The following MARCHF1 variants were observed in gnomAD, a reference collection of about 807,000 sequenced individuals.
MARCHF1 encodes the protein E3 ubiquitin-protein ligase MARCHF1.
A neutral mutation model predicts 54.2 loss-of-function variants in MARCHF1; 40 were observed. That is an observed-to-expected ratio of 0.74 (90% CI 0.57 to 0.96). The LOEUF is 0.96. Among genes scored for constraint, MARCHF1 ranks in the 40% least tolerant of loss-of-function variants. MARCHF1 has a pLI of 0.00. For missense variants in MARCHF1, 586 were observed against 656.5 expected (o/e 0.89, Z 1.17); for synonymous variants, 236 against 236.3 (o/e 1.00, Z 0.01).
At chr4:164,357,080 A>C (rs1730575102) in intron 1 of MARCHF1, among the ~76,000 whole-genome samples, 1 of 151,656 alleles carries the variant, frequency 6.6e-6, no homozygotes, top group South Asian at 2.1e-4. Context: ...CTATATAACA[A>C]ATCTGCATAT....
At chr4:163,741,599 T>A (rs1029139745) in intron 4 of MARCHF1, among the ~76,000 whole-genome samples, 8 of 145,872 alleles carry the variant, frequency 5.5e-5, no homozygotes, top group East Asian at 3.9e-4. Flanking sequence ...AAAAAAAAAA[T>A]TTGGAAACCT....
chr4:164,302,110 T>C (rs1232445956), intron 1 of MARCHF1, among the ~76,000 whole-genome samples: 7 of 152,200 alleles, frequency 4.6e-5, no homozygotes, highest in Non-Finnish European at 1.0e-4. Context: ...ATGGCTCTTT[T>C]GGAAAGTAGT....
intron 4 of MARCHF1, among the ~76,000 whole-genome samples, chr4:163,736,258 C>G (rs1483366541): frequency 6.6e-6 from 1 of 151,958 alleles, no homozygotes; most frequent in Non-Finnish European, 1.5e-5. Context: ...ATAGGGGTTA[C>G]TTGAACACAA....
At chr4:164,159,807 T>C (rs1246626785) in intron 1 of MARCHF1, among the ~76,000 whole-genome samples, 1 of 152,166 alleles carries the variant, frequency 6.6e-6, no homozygotes, top group Non-Finnish European at 1.5e-5. Context: ...GAATTTAGAC[T>C]CAGCATTGGA....
Position 164,041,041 on chromosome 4 carries a change from A to G in MARCHF1, c.-247-52332T>C, listed in dbSNP as rs1409613376. On this transcript the variant is annotated intron_variant, in intron 2 of 9. Coordinates refer to ENST00000514618, the MANE Select transcript of MARCHF1 (RefSeq NM_001394959.1). ...GGATAATACACTCAATTTAAACCTT[A>G]TATGTAATTATAAAGACAGTTTTAA... Among the ~76,000 whole-genome samples the G allele has an allele frequency of 3.3e-5, 5 of 152,118 alleles. No homozygotes were observed. In the South Asian group the frequency reaches 8.3e-4, roughly 25 times the overall value.
chr4:163,967,273 G>A (rs2110828219), intron 3 of MARCHF1, among the ~76,000 whole-genome samples: 1 of 152,266 alleles, frequency 6.6e-6, no homozygotes, highest in East Asian at 1.9e-4. Context: ...TGTTGACAGA[G>A]GTAAGGTCGC....
intron 1 of MARCHF1, among the ~76,000 whole-genome samples, chr4:164,308,460 A>T (rs1734755405): frequency 6.6e-6 from 1 of 151,878 alleles, no homozygotes; most frequent in Non-Finnish European, 1.5e-5. Context: ...TGTAAGCAAG[A>T]TCATTTTCCT....
At chr4:164,287,572 A>G (rs1310187105) in intron 1 of MARCHF1, among the ~76,000 whole-genome samples, 1 of 152,150 alleles carries the variant, frequency 6.6e-6, no homozygotes, top group African/African-American at 2.4e-5. Flanking sequence ...GTGCAACCCT[A>G]GTAGGATTTA....
rs1326478001 is a variant in MARCHF1 at position 163,612,466 on chromosome 4, T to C, written c.815A>G (p.Asp272Gly). ...EKSKGRYHHR[D>G]PQLLQSLRKN... ...CCTAAGACTTTGCAAGAGCTGAGGA[T>C]CTCTGTGGTGATATCTGCCTTTGCT... The change falls in exon 7 of 10, where the codon GAT becomes GGT. Residue 272 changes from aspartate to glycine, a missense_variant. By Grantham distance (94) the Asp-to-Gly change is moderately conservative (BLOSUM62 -1). Coordinates refer to ENST00000514618, the MANE Select transcript of MARCHF1 (RefSeq NM_001394959.1). The C allele has an allele frequency of 1.3e-6, 2 of 1,535,206 alleles. No individual in the cohort carries two copies. Among genetic ancestry groups the C allele is most frequent in the African/African-American group, 2.7e-5 (2 of 72,960 alleles).
intron 5 of MARCHF1, among the ~76,000 whole-genome samples, chr4:163,622,296 G>A (rs979463348): frequency 1.3e-5 from 2 of 152,044 alleles, no homozygotes; most frequent in African/African-American, 4.8e-5. Context: ...CAGGAGCACT[G>A]TAGCAACAGG....
chr4:163,887,061 T>C (rs1750553971), intron 3 of MARCHF1, among the ~76,000 whole-genome samples: 1 of 152,108 alleles, frequency 6.6e-6, no homozygotes, highest in African/African-American at 2.4e-5. Context: ...TCAACATATA[T>C]TTATTGAATG....
intron 8 of MARCHF1, among the ~76,000 whole-genome samples, chr4:163,557,761 T>C (rs1158557280): frequency 1.3e-5 from 2 of 152,200 alleles, no homozygotes; most frequent in Non-Finnish European, 2.9e-5. Flanking sequence ...TGATTATTAT[T>C]TATAAATCTT....
chr4:163,646,135 G>A (rs1342851303), intron 5 of MARCHF1, among the ~76,000 whole-genome samples: 3 of 152,074 alleles, frequency 2.0e-5, no homozygotes, highest in Admixed American at 6.5e-5. Flanking sequence ...AGAGATAAGA[G>A]ACTGGTCACA....
At position 163,986,299 on chromosome 4, in the gene MARCHF1, C is replaced by T. The variant is rs1318114740; in HGVS notation, c.-39+2202G>A. ...TTTTTTTGAGATGGAGTGTCTCGCT[C>T]TGTCGCCCAGGCTGGAGTGCAGTGG... On this transcript the variant is annotated intron_variant, in intron 3 of 9. Coordinates refer to ENST00000514618, the MANE Select transcript of MARCHF1 (RefSeq NM_001394959.1). Among the ~76,000 whole-genome samples, 2 of 64,242 alleles carry T rather than the reference C, an allele frequency of 3.1e-5. 1 individual carries two copies. The highest frequency in any genetic ancestry group is 6.8e-5 in the Non-Finnish European group (2 of 29,616). The allele number at this position is 64,242 out of a possible 152,430, so 42.1% of individuals were successfully genotyped here.
At chr4:163,601,504 T>C (rs1740964103) in intron 7 of MARCHF1, among the ~76,000 whole-genome samples, 2 of 152,042 alleles carry the variant, frequency 1.3e-5, no homozygotes, top group African/African-American at 4.8e-5. Flanking sequence ...TGGACACATA[T>C]TGTTCTTAAA....
chr4:163,940,173 G>T (rs563573714), intron 3 of MARCHF1, among the ~76,000 whole-genome samples: 2 of 152,226 alleles, frequency 1.3e-5, no homozygotes, highest in South Asian at 4.1e-4. Flanking sequence ...CTAGTGTCTT[G>T]ATTTGAAATT....
chr4:164,293,388 T>C (rs983627236), intron 1 of MARCHF1, among the ~76,000 whole-genome samples: 2 of 152,210 alleles, frequency 1.3e-5, no homozygotes, highest in Non-Finnish European at 2.9e-5. Context: ...ATAAGGCAAA[T>C]GCCAGGGTAT....
intron 1 of MARCHF1, among the ~76,000 whole-genome samples, chr4:164,254,816 G>A (rs1267616524): frequency 6.6e-6 from 1 of 152,130 alleles, no homozygotes; most frequent in Non-Finnish European, 1.5e-5. Context: ...ATTAGGTTGT[G>A]CCCACCAGAT....
At position 164,257,305 on chromosome 4, in the gene MARCHF1, A is replaced by T. The variant is rs188049306; in HGVS notation, c.-323+126565T>A. On this transcript the variant is annotated intron_variant, in intron 1 of 9. Coordinates refer to ENST00000514618, the MANE Select transcript of MARCHF1 (RefSeq NM_001394959.1). ...CTTTAATTTTATCTTAATTTTTTTTAAAATAATTGGATAATTTTTCTTGTT... is the reference window on the plus strand; with the variant it reads ...CTTTAATTTTATCTTAATTTTTTTTTAAATAATTGGATAATTTTTCTTGTT... Among the ~76,000 whole-genome samples the T allele has an allele frequency of 2.9e-3, 437 of 152,144 alleles. 4 individuals carry two copies. Among genetic ancestry groups the T allele is most frequent in the Middle Eastern group, 0.01 (3 of 294 alleles).
Sources: gnomAD v4.1 joint callset for allele counts (sites outside exome capture counted in the v4.1 genomes callset) on GRCh38, gnomAD v4.1.1 for gene constraint, MANE v1.5 for transcripts, NCBI Gene and HGNC (gene_info 2026-07-23, HGNC 2026-07-21) for gene names.